The following PIK3C2G variants were observed in gnomAD, a reference collection of about 807,000 sequenced individuals.
PIK3C2G encodes the protein phosphatidylinositol-4-phosphate 3-kinase catalytic subunit type 2 gamma, also known as phosphatidylinositol 3-kinase C2 domain-containing subunit gamma.
Under a neutral mutation model 181.1 loss-of-function variants are expected in PIK3C2G, and 168 were observed. The ratio of observed to expected loss-of-function variants is 0.93; its 90% CI spans 0.82 to 1.05. The LOEUF (loss-of-function observed/expected upper bound fraction) is 1.05. PIK3C2G is among the 50% of genes least tolerant of loss of function. PIK3C2G has a pLI of 0.00. For synonymous variants in PIK3C2G, 573 were observed against 592.2 expected (o/e 0.97, Z 0.47); for missense variants, 1,869 against 1,732.8 (o/e 1.08, Z -1.40).
At chr12:18,341,307 T>G (rs1406718330) in intron 9 of PIK3C2G, among the ~76,000 whole-genome samples, 1 of 152,116 alleles carries the variant, frequency 6.6e-6, no homozygotes, top group Non-Finnish European at 1.5e-5. Context: ...AGGAAAGCCA[T>G]AAACAATTAT....
chr12:18,256,770 C>A (rs1948149861), upstream of PIK3C2G, among the ~76,000 whole-genome samples: 1 of 152,028 alleles, frequency 6.6e-6, no homozygotes, highest in Non-Finnish European at 1.5e-5. Context: ...CCTGCAATAT[C>A]TGTGTTCTCT....
At chr12:18,393,225 A>T (rs923462833) in intron 15 of PIK3C2G, among the ~76,000 whole-genome samples, 5 of 152,212 alleles carry the variant, frequency 3.3e-5, no homozygotes, top group Admixed American at 2.6e-4. Context: ...GTTTCTATTT[A>T]AGCTAATAAC....
At chr12:18,642,833 A>G (rs1949913115) in intron 32 of PIK3C2G, among the ~76,000 whole-genome samples, 1 of 141,890 alleles carries the variant, frequency 7.0e-6, no homozygotes, top group Non-Finnish European at 1.5e-5. Context: ...TATAAAATGT[A>G]AATACATGTA....
At chr12:18,332,201 T>C (rs1447531167) in intron 8 of PIK3C2G, among the ~76,000 whole-genome samples, 3 of 152,148 alleles carry the variant, frequency 2.0e-5, no homozygotes, top group Admixed American at 6.6e-5. Context: ...TGTGGTACCA[T>C]GACATTTCCC....
chr12:18,674,742 T>A, the PIK3C2G span, among the ~76,000 whole-genome samples: 1 of 152,130 alleles, frequency 6.6e-6, no homozygotes, highest in Admixed American at 6.6e-5. Context: ...ACTAACACGA[T>A]AGAGTGAAAG....
At chr12:18,378,221 A>G (rs367547967) in intron 13 of PIK3C2G, among the ~76,000 whole-genome samples, 10 of 152,350 alleles carry the variant, frequency 6.6e-5, no homozygotes, top group East Asian at 5.8e-4. Flanking sequence ...TAGCCAAGAC[A>G]TAAAAATATG....
intron 14 of PIK3C2G, among the ~76,000 whole-genome samples, chr12:18,388,595 C>A (rs1943331894): frequency 6.6e-6 from 1 of 152,178 alleles, no homozygotes; most frequent in Non-Finnish European, 1.5e-5. Flanking sequence ...ATAATACCAA[C>A]CTACGCACAG....
At chr12:18,559,635 C>G (rs1448905615) in intron 26 of PIK3C2G, among the ~76,000 whole-genome samples, 1 of 150,928 alleles carries the variant, frequency 6.6e-6, no homozygotes, top group Non-Finnish European at 1.5e-5. Flanking sequence ...AAAGGTCTCT[C>G]TCACACTGAA....
chr12:18,469,606 T>C (rs997789666), intron 18 of PIK3C2G, among the ~76,000 whole-genome samples: 1 of 151,872 alleles, frequency 6.6e-6, no homozygotes, highest in Non-Finnish European at 1.5e-5. Flanking sequence ...CTCTGAATAT[T>C]TTCTTACAAC....
At chr12:18,668,013 C>T in the PIK3C2G span, among the ~76,000 whole-genome samples, 2 of 152,262 alleles carry the variant, frequency 1.3e-5, no homozygotes, top group South Asian at 2.1e-4. Context: ...TAAGGTCTAC[C>T]TTTAGGACAC....
chr12:18,337,321 C>T (rs1348230834), intron 8 of PIK3C2G, among the ~76,000 whole-genome samples: 4 of 152,014 alleles, frequency 2.6e-5, no homozygotes, highest in African/African-American at 4.8e-5. Flanking sequence ...AGATACAGAA[C>T]GGCTAATGAA....
At chr12:18,326,472 G>C (rs975095814) in intron 8 of PIK3C2G, among the ~76,000 whole-genome samples, 1 of 152,138 alleles carries the variant, frequency 6.6e-6, no homozygotes, top group Non-Finnish European at 1.5e-5. Flanking sequence ...AAATATATCT[G>C]AAAATAATAA....
rs1474827387 is a variant in PIK3C2G at position 18,279,170 on chromosome 12, A to G, written c.-78-2834A>G. 3.9e-5 allele frequency among the ~76,000 whole-genome samples: 6 copies of G among 152,100 alleles called. No individual in the cohort carries two copies. The East Asian group carries it at 1.2e-3, about 29-fold the overall frequency. ...TCATGTTCACCCATATGCCTCCTTTAATCCCTGCTTATAATAAATCTGTGA... is the reference window on the plus strand; with the variant it reads ...TCATGTTCACCCATATGCCTCCTTTGATCCCTGCTTATAATAAATCTGTGA... On this transcript the variant is annotated intron_variant, in intron 1 of 32. Transcript: ENST00000538779.
At chr12:18,689,033 G>C in the PIK3C2G span, among the ~76,000 whole-genome samples, 1 of 152,100 alleles carries the variant, frequency 6.6e-6, no homozygotes, top group Non-Finnish European at 1.5e-5. Flanking sequence ...ACTAATGTGT[G>C]ATTTTTCCTA....
chr12:18,498,936 A>C (rs1941217565), intron 22 of PIK3C2G, among the ~76,000 whole-genome samples: 1 of 152,184 alleles, frequency 6.6e-6, no homozygotes, highest in African/African-American at 2.4e-5. Context: ...TAAGTGACCT[A>C]ATGCTTTCCT....
chr12:18,270,014 A>G (rs1948681377), intron 1 of PIK3C2G, among the ~76,000 whole-genome samples: 2 of 151,042 alleles, frequency 1.3e-5, no homozygotes, highest in Middle Eastern at 7.0e-3. Flanking sequence ...GGTTCAAGCA[A>G]TTCTCCTGCC....
intron 31 of PIK3C2G, among the ~76,000 whole-genome samples, chr12:18,625,306 A>T (rs1346938074): frequency 1.3e-5 from 2 of 151,046 alleles, no homozygotes; most frequent in Non-Finnish European, 3.0e-5. Context: ...GTGTGGTTTA[A>T]TTTCTATTTA....
intron 24 of PIK3C2G, among the ~76,000 whole-genome samples, chr12:18,526,968 T>A (rs543758911): frequency 6.6e-6 from 1 of 152,278 alleles, no homozygotes; most frequent in African/African-American, 2.4e-5. Context: ...ACAAATAAAT[T>A]TTCTCCAAAG....
chr12:18,653,916 T>C, the PIK3C2G span, among the ~76,000 whole-genome samples: 1 of 152,104 alleles, frequency 6.6e-6, no homozygotes, highest in Non-Finnish European at 1.5e-5. Context: ...GAAAGCAATT[T>C]AAAGGACTAT....
Sources: gnomAD v4.1 joint callset for allele counts (sites outside exome capture counted in the v4.1 genomes callset) on GRCh38, gnomAD v4.1.1 for gene constraint, MANE v1.5 for transcripts, NCBI Gene and HGNC (gene_info 2026-07-23, HGNC 2026-07-21) for gene names.